The following DACH2 variants were observed in gnomAD, a reference collection of about 807,000 sequenced individuals.
DACH2 encodes dachshund family transcription factor 2.
DACH2 carries 17 observed loss-of-function variants against 35.8 expected under a neutral mutation model. The ratio of observed to expected loss-of-function variants is 0.48; its 90% CI spans 0.33 to 0.71. DACH2 has a LOEUF of 0.71. Among genes scored for constraint, DACH2 ranks in the 30% least tolerant of loss-of-function variants. The pLI, the probability that DACH2 is intolerant of heterozygous loss-of-function variation, is 0.02. For synonymous variants in DACH2, 195 were observed against 177.3 expected, an observed-to-expected ratio of 1.10 and a Z score of -0.79; for missense variants, 469 against 472.7, an observed-to-expected ratio of 0.99 and a Z score of 0.07.
intron 3 of DACH2, among the ~76,000 whole-genome samples, chrX:86,598,759 AAGTT>A (rs1436123738): frequency 1.8e-5 from 2 of 109,990 alleles, no homozygotes; most frequent in Admixed American, 9.7e-5. Flanking sequence ...TTCCAAAAAA[AAGTT>A]AGCCTCCTTA....
At chrX:86,654,193 A>AC (rs1472890639) in intron 4 of DACH2, among the ~76,000 whole-genome samples, 1 of 98,403 alleles carries the variant, frequency 1.0e-5, no homozygotes, top group African/African-American at 4.2e-5. Flanking sequence ...TTAGTAAAAA[A>AC]AAAAAAAAAA....
chrX:86,692,310 G>C (rs2148442201), intron 4 of DACH2, among the ~76,000 whole-genome samples: 1 of 110,950 alleles, frequency 9.0e-6, no homozygotes, highest in East Asian at 2.9e-4. Flanking sequence ...TTGGTGTGCT[G>C]CACCCATTAA....
At chrX:86,607,914 G>A (rs2039881239) in intron 3 of DACH2, among the ~76,000 whole-genome samples, 1 of 106,820 alleles carries the variant, frequency 9.4e-6, no homozygotes. Context: ...TCCCTACAAA[G>A]GACGTGAACT....
At chrX:86,771,690 C>T (rs183511440) in intron 7 of DACH2, among the ~76,000 whole-genome samples, 72 of 111,798 alleles carry the variant, frequency 6.4e-4, no homozygotes, top group Admixed American at 6.0e-3. Context: ...TTTCTCATGA[C>T]GCTGCTTCTT....
rs771058777 is a variant in DACH2 at position 86,170,087 on chromosome X, G to A, written c.488+20979G>A. Among the ~76,000 whole-genome samples, 3 of 111,922 alleles carry A rather than the reference G, an allele frequency of 2.7e-5. No individual in the cohort carries two copies. In the South Asian group the frequency reaches 1.1e-3, roughly 42 times the overall value. Reference sequence around the variant, plus strand: ...GTACTGCTGTGGTTCTTGCAGACTCGTAGAGGTACTGCCTTGATGGTCTTC... The same window carrying A: ...GTACTGCTGTGGTTCTTGCAGACTCATAGAGGTACTGCCTTGATGGTCTTC... On this transcript the variant is annotated intron_variant, in intron 1 of 11. Coordinates refer to ENST00000373125, the MANE Select transcript of DACH2 (RefSeq NM_053281.3).
intron 2 of DACH2, among the ~76,000 whole-genome samples, chrX:86,419,604 C>T (rs762257820): frequency 5.8e-4 from 65 of 112,026 alleles, no homozygotes; most frequent in African/African-American, 2.0e-3. Context: ...GTGGGAGTTA[C>T]AATTCAAGAT....
intron 1 of DACH2, among the ~76,000 whole-genome samples, chrX:86,276,524 T>A (rs1320473127): frequency 8.9e-6 from 1 of 111,828 alleles, no homozygotes; most frequent in Non-Finnish European, 1.9e-5. Context: ...GTGTGGAAGC[T>A]TTTTAACTGG....
rs748329945 is a variant in DACH2 at position 86,431,579 on chromosome X, T to C, written c.527+54717T>C. On this transcript the variant is annotated intron_variant, in intron 2 of 11. Coordinates refer to ENST00000373125, the MANE Select transcript of DACH2 (RefSeq NM_053281.3). ...CTAGAAATAGAATTCTTTAAATGCA[T>C]GTGTCCGAATGGCATACATAGAATG... 1.3e-3 allele frequency among the ~76,000 whole-genome samples: 149 copies of C among 111,666 alleles called. 1 individual carries two copies. Among genetic ancestry groups the C allele is most frequent in the African/African-American group, 4.6e-3 (142 of 30,849 alleles).
At position 86,198,898 on chromosome X, in the gene DACH2, C is replaced by T. The variant is rs145111495; in HGVS notation, c.488+49790C>T. On this transcript the variant is annotated intron_variant, in intron 1 of 11. Coordinates refer to ENST00000373125, the MANE Select transcript of DACH2 (RefSeq NM_053281.3). ...CCAAAAAGTTGAGGAGGAGGGACTC[C>T]TCCTTAACTCATTCTGTGATTCCAG... Among the ~76,000 whole-genome samples, 236 of 110,707 alleles carry T rather than the reference C, an allele frequency of 2.1e-3. 1 individual carries two copies. The highest frequency in any genetic ancestry group is 7.4e-3 in the African/African-American group (224 of 30,443).
chrX:86,615,528 ATTTATGT>A (rs2039992162), intron 3 of DACH2, among the ~76,000 whole-genome samples: 1 of 111,222 alleles, frequency 9.0e-6, no homozygotes, highest in Non-Finnish European at 1.9e-5. Flanking sequence ...TGCTCAGTGT[ATTTATGT>A]TTTATTTTCC....
chrX:86,162,153 C>CT (rs921736486), intron 1 of DACH2, among the ~76,000 whole-genome samples: 137 of 109,504 alleles, frequency 1.3e-3, no homozygotes, highest in African/African-American at 4.3e-3. Flanking sequence ...CCAAGAATTC[C>CT]TTTTTTTTGA....
intron 11 of DACH2, among the ~76,000 whole-genome samples, chrX:86,826,282 C>A (rs1400220473): frequency 9.0e-6 from 1 of 111,037 alleles, no homozygotes; most frequent in Non-Finnish European, 1.9e-5. Context: ...TTTCACAAAA[C>A]CAGGGTGCAT....
chrX:86,778,713 C>T (rs750810602), intron 7 of DACH2, among the ~76,000 whole-genome samples: 2 of 110,977 alleles, frequency 1.8e-5, no homozygotes, highest in South Asian at 3.9e-4. Context: ...TGGGTTCAAG[C>T]GGTTCTCCTG....
chrX:86,297,400 G>T (rs2034487899), intron 1 of DACH2, among the ~76,000 whole-genome samples: 1 of 111,634 alleles, frequency 9.0e-6, no homozygotes, highest in South Asian at 3.8e-4. Context: ...GCAGCTGTCT[G>T]AACACCGAAG....
In DACH2 at chrX:86,606,674, G is replaced by T. The variant is rs746484417; in HGVS notation, c.641-44362G>T. On this transcript the variant is annotated intron_variant, in intron 3 of 11. Coordinates refer to ENST00000373125, the MANE Select transcript of DACH2 (RefSeq NM_053281.3). ...GCAAAAGAATGTGTATTCTGCTGCT[G>T]TTGGCTAAAATGTTCTATAAGTATA... 3.6e-5 allele frequency among the ~76,000 whole-genome samples: 4 copies of T among 111,374 alleles called. 1 individual carries two copies. The South Asian group carries it at 1.5e-3, about 42-fold the overall frequency.
At chrX:86,758,718 G>A (rs1288457210) in intron 7 of DACH2, among the ~76,000 whole-genome samples, 1 of 112,094 alleles carries the variant, frequency 8.9e-6, no homozygotes, top group Admixed American at 9.5e-5. Flanking sequence ...TGGATAAAAT[G>A]TTCTGTAAAT....
At chrX:86,786,307 G>T (rs1454329399) in intron 7 of DACH2, among the ~76,000 whole-genome samples, 1 of 111,853 alleles carries the variant, frequency 8.9e-6, no homozygotes, top group East Asian at 2.8e-4. Flanking sequence ...TAGTAGAGTG[G>T]AGATGCACAT....
chrX:86,581,066 C>T (rs760632953), intron 3 of DACH2, among the ~76,000 whole-genome samples: 6 of 111,477 alleles, frequency 5.4e-5, no homozygotes, highest in Admixed American at 9.5e-5. Context: ...TAAGCAGAAG[C>T]GAATGGGGGC....
At chrX:86,466,096 A>G (rs1433590128) in intron 2 of DACH2, among the ~76,000 whole-genome samples, 1 of 111,843 alleles carries the variant, frequency 8.9e-6, no homozygotes, top group Non-Finnish European at 1.9e-5. Context: ...ATAGTTTAAC[A>G]TGGCTGGGGA....
Sources: allele counts gnomAD v4.1 joint callset (sites outside exome capture counted in the v4.1 genomes callset), GRCh38; gene constraint gnomAD v4.1.1; transcripts MANE v1.5; gene names NCBI Gene and HGNC (gene_info 2026-07-23, HGNC 2026-07-21).